ZNF420: variants seen among roughly 807,000 people sequenced by gnomAD.
ZNF420 encodes zinc finger protein 420.
In ZNF420, 31 loss-of-function variants were observed where a neutral mutation model predicts 44.7. That is an observed-to-expected ratio of 0.69 (90% confidence interval 0.52 to 0.94). ZNF420 has a LOEUF of 0.94. ZNF420 is among the 40% of genes least tolerant of loss of function. The pLI, the probability that ZNF420 is intolerant of heterozygous loss-of-function variation, is 0.00. For synonymous variants in ZNF420, 245 were observed against 267.4 expected (o/e 0.92, Z 0.82); for missense variants, 681 against 827.9 (o/e 0.82, Z 2.18).
intron 1 of ZNF420, among the ~76,000 whole-genome samples, chr19:37,044,471 C>T (rs1468352269): frequency 1.3e-5 from 2 of 152,198 alleles, no homozygotes; most frequent in Admixed American, 6.5e-5. Context: ...TGAGACTCTG[C>T]TCTGGGATTA....
chr19:37,077,979 C>G (rs1968203392), upstream of ZNF420: 1 of 152,496 alleles, frequency 6.6e-6, no homozygotes, highest in Non-Finnish European at 1.5e-5. Flanking sequence ...GACTCTCAGT[C>G]CACCTGGCAT....
rs12460802 is a variant in ZNF420, at chr19:37,072,538, A to C, written c.-124-7807A>C. On this transcript the variant is annotated intron_variant, in intron 1 of 4. Coordinates refer to the ZNF420 transcript ENST00000587029. The stretch of plus-strand genomic sequence containing the variant: ...AGTTTCCAATATAAAATCTGTAAAT[A>C]ATCTCTCTGAATTCAGTTATCTCTA... 6.2e-3 allele frequency among the ~76,000 whole-genome samples: 937 copies of C among 152,352 alleles called. 28 individuals carry two copies. The highest frequency in any genetic ancestry group is 0.05 in the East Asian group (258 of 5,188).
At chr19:37,088,060 A>G (rs931244461) in intron 2 of ZNF420, among the ~76,000 whole-genome samples, 2 of 152,066 alleles carry the variant, frequency 1.3e-5, no homozygotes, top group African/African-American at 2.4e-5. Flanking sequence ...CTCTGCTGCA[A>G]CTCTTCAGCT....
chr19:37,061,170 A>G (rs1967873365), intron 1 of ZNF420, among the ~76,000 whole-genome samples: 2 of 152,174 alleles, frequency 1.3e-5, no homozygotes. Flanking sequence ...ACACATTCAC[A>G]GCATCTGCTC....
chr19:37,075,039 A>G (rs1369827227), upstream of ZNF420: 3 of 152,260 alleles, frequency 2.0e-5, no homozygotes, highest in Non-Finnish European at 4.4e-5. Context: ...GAAGTTCAAA[A>G]TCATTTGCCA....
At chr19:37,085,438 G>C (rs1017046355) in intron 2 of ZNF420, among the ~76,000 whole-genome samples, 1 of 152,188 alleles carries the variant, frequency 6.6e-6, no homozygotes, top group Non-Finnish European at 1.5e-5. Flanking sequence ...GGGTTCTCAG[G>C]CTCCACCAGG....
intron 1 of ZNF420, among the ~76,000 whole-genome samples, chr19:37,015,128 G>A (rs1416705863): frequency 1.3e-5 from 2 of 152,350 alleles, no homozygotes; most frequent in East Asian, 3.9e-4. Context: ...AGTGCTGGAT[G>A]TCTCTGTGTG....
chr19:37,051,638 C>CT (rs1454808382), intron 1 of ZNF420, among the ~76,000 whole-genome samples: 2 of 152,126 alleles, frequency 1.3e-5, no homozygotes, highest in South Asian at 2.1e-4. Context: ...TGCTAGCAGT[C>CT]TATCAATTTT....
At chr19:37,109,926 T>C (rs1287425669) in intron 4 of ZNF420, 1 of 152,142 alleles carries the variant, frequency 6.6e-6, no homozygotes, top group African/African-American at 2.4e-5. Context: ...GTACACTCCT[T>C]ACTGTCTCCC....
At chr19:37,088,374 G>A (rs1968948869) in intron 2 of ZNF420, among the ~76,000 whole-genome samples, 1 of 152,154 alleles carries the variant, frequency 6.6e-6, no homozygotes, top group South Asian at 2.1e-4. Flanking sequence ...ACTATTAGCT[G>A]TATCTTCCAG....
Position 37,128,390 on chromosome 19 carries a change from C to T in ZNF420, c.1399C>T (p.Arg467Ter), listed in dbSNP as rs749283424. The change falls in exon 5 of 5, where the codon CGA (arginine) becomes TGA (stop). Residue 467 changes from arginine (R) to a stop codon, truncating the protein, a stop_gained. Transcript: ENST00000337995. LOFTEE classifies it high-confidence loss of function. ...TGGCTCAGAACTTACTCAACATGAG[C>T]GAATTCACACAGGTGAGAAACCCTA... is the stretch of plus-strand genomic sequence containing the variant. ...SRGSELTQHE[R>*]IHTGEKPYEC... is the part of the protein sequence containing the mutation. 17 of 1,610,422 alleles carry T rather than the reference C, an allele frequency of 1.1e-5. No homozygotes were observed. Among genetic ancestry groups the T allele is most frequent in the East Asian group, 4.5e-5 (2 of 44,646 alleles).
chr19:37,125,969 C>T, intron 4 of ZNF420, among the ~76,000 whole-genome samples: 1 of 152,132 alleles, frequency 6.6e-6, no homozygotes, highest in East Asian at 1.9e-4. Flanking sequence ...TGACACAGTC[C>T]AAAACACTGT....
chr19:37,122,804 A>G (rs1006892359), intron 4 of ZNF420, among the ~76,000 whole-genome samples: 35 of 152,094 alleles, frequency 2.3e-4, no homozygotes, highest in Admixed American at 1.3e-3. Flanking sequence ...ATATAAAGGT[A>G]CGCCCTGGGT....
intron 1 of ZNF420, among the ~76,000 whole-genome samples, chr19:37,018,804 A>G (rs1450937155): frequency 6.6e-6 from 1 of 152,120 alleles, no homozygotes; most frequent in Non-Finnish European, 1.5e-5. Flanking sequence ...TCCTGGCCTC[A>G]AGTGACCCAC....
chr19:37,081,806 A>G (rs1397562674), intron 2 of ZNF420, among the ~76,000 whole-genome samples: 1 of 147,810 alleles, frequency 6.8e-6, no homozygotes, highest in African/African-American at 2.5e-5. Context: ...TCGGCCTCCC[A>G]AAGTGCAGGG....
Position 37,129,196 on chromosome 19 carries a change from T to A in ZNF420, c.*138T>A. ...TAATTTATGTGAGAGAAAATGGTAGTGTCATTCATATAGAAAAACATCATT... is the reference window on the plus strand; with the variant it reads ...TAATTTATGTGAGAGAAAATGGTAGAGTCATTCATATAGAAAAACATCATT... On this transcript the variant is annotated 3_prime_UTR_variant, in exon 5 of 5. Coordinates refer to ENST00000337995, the MANE Select transcript of ZNF420 (RefSeq NM_144689.5). 2 of 1,083,198 alleles carry A rather than the reference T, an allele frequency of 1.8e-6. No homozygotes were observed. The highest frequency in any genetic ancestry group is 2.6e-6 in the Non-Finnish European group (2 of 759,592). 67.1% of individuals were successfully genotyped at this position (1,083,198 alleles called of 1,614,324 possible).
At chr19:37,088,564 C>G (rs570840124) in intron 2 of ZNF420, among the ~76,000 whole-genome samples, 1 of 152,240 alleles carries the variant, frequency 6.6e-6, no homozygotes, top group East Asian at 1.9e-4. Flanking sequence ...TCTATTTATT[C>G]TATACGTACA....
At chr19:37,028,313 G>A (rs1825277715) in intron 1 of ZNF420, among the ~76,000 whole-genome samples, 1 of 152,176 alleles carries the variant, frequency 6.6e-6, no homozygotes, top group African/African-American at 2.4e-5. Context: ...GGTTACCTGG[G>A]CATCAACTGT....
intron 4 of ZNF420, among the ~76,000 whole-genome samples, chr19:37,104,610 A>G (rs1969972561): frequency 6.6e-6 from 1 of 152,184 alleles, no homozygotes; most frequent in South Asian, 2.1e-4. Flanking sequence ...CAACAGTGTA[A>G]AAGTGTTCCT....
Sources: allele counts gnomAD v4.1 joint callset (sites outside exome capture counted in the v4.1 genomes callset), GRCh38; gene constraint gnomAD v4.1.1; transcripts MANE v1.5; gene names NCBI Gene and HGNC (gene_info 2026-07-23, HGNC 2026-07-21).